The following PCDHA5 variants were observed in gnomAD, a reference collection of about 807,000 sequenced individuals.
The protein encoded by PCDHA5 is protocadherin alpha-5.
In PCDHA5, 43 loss-of-function variants were observed where a neutral mutation model predicts 61.6. That is an observed-to-expected ratio of 0.70 (90% CI 0.55 to 0.90). The LOEUF is 0.90. PCDHA5 is among the 40% of genes least tolerant of loss of function. PCDHA5 has a pLI of 0.00. For missense variants in PCDHA5, 1,298 were observed against 1,222.7 expected, an observed-to-expected ratio of 1.06 and a Z score of -0.92; for synonymous variants, 627 against 543.9, an observed-to-expected ratio of 1.15 and a Z score of -2.13.
intron 1 of PCDHA5, among the ~76,000 whole-genome samples, chr5:140,942,639 G>C (rs923095335): frequency 1.3e-5 from 2 of 151,806 alleles, no homozygotes; most frequent in African/African-American, 2.4e-5. Flanking sequence ...AATGGCAAAA[G>C]AGATCTCATT....
At chr5:140,883,027 G>A in intron 1 of PCDHA5, 1 of 1,614,126 alleles carries the variant, frequency 6.2e-7, no homozygotes, top group Non-Finnish European at 8.5e-7. Context: ...CGGTGTTAGA[G>A]AACGCCTTCA....
intron 1 of PCDHA5, among the ~76,000 whole-genome samples, chr5:140,933,844 G>A (rs2089450133): frequency 6.6e-6 from 1 of 151,910 alleles, no homozygotes; most frequent in South Asian, 2.1e-4. Context: ...TTTCATTCCT[G>A]TACCTTTAAT....
intron 2 of PCDHA5, among the ~76,000 whole-genome samples, chr5:140,981,701 C>A (rs546149642): frequency 5.3e-5 from 8 of 152,268 alleles, no homozygotes; most frequent in African/African-American, 1.9e-4. Context: ...TTCATTCATT[C>A]ATTCATTCAT....
chr5:140,883,306 C>G, intron 1 of PCDHA5: 1 of 1,614,050 alleles, frequency 6.2e-7, no homozygotes, highest in Non-Finnish European at 8.5e-7. Flanking sequence ...TAAATGATAA[C>G]GCCCCAGAGG....
At chr5:140,929,096 C>T (rs113293568) in intron 1 of PCDHA5, 45,094 of 1,614,150 alleles carry the variant, frequency 0.028, 813 homozygotes, top group Non-Finnish European at 0.033. Context: ...GTTTCAAATC[C>T]TTGCATGACA....
Position 140,856,394 on chromosome 5 carries a change from T to C in PCDHA5, c.2352+32267T>C, listed in dbSNP as rs782124565. On this transcript the variant is annotated intron_variant, in intron 1 of 3. Coordinates refer to ENST00000529859, the MANE Select transcript of PCDHA5 (RefSeq NM_018908.3). The stretch of plus-strand genomic sequence containing the variant: ...GATCGTGGACAGGCCGCTGCAGGTT[T>C]TCCATGTGGACGTGGAAGTGAAGGA... The C allele has an allele frequency of 2.5e-6, 4 of 1,598,384 alleles. No individual in the cohort carries two copies. The African/African-American group carries it at 5.4e-5, about 22-fold the overall frequency.
intron 1 of PCDHA5, among the ~76,000 whole-genome samples, chr5:140,939,008 T>C (rs1348323675): frequency 6.6e-6 from 1 of 152,234 alleles, no homozygotes; most frequent in Non-Finnish European, 1.5e-5. Context: ...TTAAGAAGTG[T>C]TACTTTTCTT....
intron 1 of PCDHA5, among the ~76,000 whole-genome samples, chr5:140,910,538 AT>A: frequency 6.6e-6 from 1 of 152,180 alleles, no homozygotes; most frequent in Non-Finnish European, 1.5e-5. Context: ...TCACAAATCT[AT>A]TTTGCAAAGT....
chr5:140,901,229 T>C (rs1394148058), intron 1 of PCDHA5, among the ~76,000 whole-genome samples: 1 of 152,166 alleles, frequency 6.6e-6, no homozygotes, highest in African/African-American at 2.4e-5. Context: ...ATCCCATATA[T>C]CCATTTTTTT....
At chr5:140,870,919 C>G in intron 1 of PCDHA5, 1 of 1,613,952 alleles carries the variant, frequency 6.2e-7, no homozygotes, top group South Asian at 1.1e-5. Context: ...CAACGCGTGG[C>G]TTTCATATGA....
intron 1 of PCDHA5, chr5:140,854,477 T>C (rs1479298342): frequency 1.3e-5 from 2 of 149,980 alleles, no homozygotes; most frequent in African/African-American, 2.4e-5. Flanking sequence ...TAGAGAAGTA[T>C]AGAAACAGAA....
intron 3 of PCDHA5, among the ~76,000 whole-genome samples, chr5:140,996,673 T>C (rs2097737293): frequency 6.6e-6 from 1 of 152,200 alleles, no homozygotes; most frequent in African/African-American, 2.4e-5. Context: ...TTTTGAACCA[T>C]GTTGGGCTAG....
intron 1 of PCDHA5, chr5:140,858,448 C>A (rs1554151646): frequency 3.3e-6 from 5 of 1,532,196 alleles, no homozygotes; most frequent in African/African-American, 1.4e-5. Context: ...TGGGTTATTA[C>A]GTTTTCATTT....
chr5:140,943,090 C>G (rs554425182), intron 1 of PCDHA5, among the ~76,000 whole-genome samples: 3 of 151,542 alleles, frequency 2.0e-5, no homozygotes, highest in African/African-American at 7.3e-5. Context: ...AATCCTGCCT[C>G]TACTAAAAAA....
intron 1 of PCDHA5, among the ~76,000 whole-genome samples, chr5:140,957,854 T>C (rs2095390646): frequency 6.6e-6 from 1 of 151,872 alleles, no homozygotes; most frequent in Non-Finnish European, 1.5e-5. Context: ...GTTTGTGTAT[T>C]TTTTTTCCTA....
At chr5:140,907,591 C>T (rs539639384) in intron 1 of PCDHA5, among the ~76,000 whole-genome samples, 10 of 152,294 alleles carry the variant, frequency 6.6e-5, no homozygotes, top group African/African-American at 2.4e-4. Flanking sequence ...GGCTGATCAC[C>T]CTGAGGAATG....
At chr5:140,909,850 C>T (rs181576128) in intron 1 of PCDHA5, among the ~76,000 whole-genome samples, 30 of 152,294 alleles carry the variant, frequency 2.0e-4, no homozygotes, top group Admixed American at 5.9e-4. Flanking sequence ...AGGACGTTTT[C>T]GGTCCCCTGG....
chr5:140,959,835 C>T (rs1554224346), intron 1 of PCDHA5, among the ~76,000 whole-genome samples: 2 of 152,042 alleles, frequency 1.3e-5, no homozygotes, highest in East Asian at 1.9e-4. Flanking sequence ...ATGTATTATG[C>T]CTGTAACTGC....
rs1447346470 is a variant in PCDHA5, at chr5:140,823,816, G to A, written c.2041G>A (p.Ala681Thr). 6.2e-7 allele frequency: 1 copy of A among 1,613,806 alleles called. No homozygotes were observed. The highest frequency in any genetic ancestry group is 1.7e-5 in the Admixed American group (1 of 60,018). Reference protein sequence around the residue: ...SGQAPKASSRASAGAVGPEAA... With the variant: ...SGQAPKASSRTSAGAVGPEAA... ...CCAGGCGCCGAAGGCCTCATCGCGG[G>A]CGTCGGCGGGCGCTGTGGGTCCCGA... The change falls in exon 1 of 4, where the codon GCG (alanine) becomes ACG (threonine). Residue 681 changes from alanine (A) to threonine (T), a missense_variant. Physicochemically the swap from Ala to Thr is moderately conservative, Grantham distance 58. Coordinates refer to ENST00000529859, the MANE Select transcript of PCDHA5 (RefSeq NM_018908.3).
Sources: gnomAD v4.1 joint callset for allele counts (sites outside exome capture counted in the v4.1 genomes callset) on GRCh38, gnomAD v4.1.1 for gene constraint, MANE v1.5 for transcripts, NCBI Gene and HGNC (gene_info 2026-07-23, HGNC 2026-07-21) for gene names.